Variants in GRID2 observed in about 807,000 individuals in gnomAD.
The protein encoded by GRID2 is glutamate receptor ionotropic, delta-2.
A neutral mutation model predicts 114.8 loss-of-function variants in GRID2; 33 were observed. That is an observed-to-expected ratio of 0.29 (90% confidence interval 0.22 to 0.38). GRID2 has a LOEUF of 0.38. Among genes scored for constraint, GRID2 ranks in the 10% least tolerant of loss-of-function variants. The pLI, the probability that GRID2 is intolerant of heterozygous loss-of-function variation, is 1.00. For synonymous variants in GRID2, 505 were observed against 449.9 expected, an observed-to-expected ratio of 1.12 and a Z score of -1.55; for missense variants, 1,184 against 1,257.7, an observed-to-expected ratio of 0.94 and a Z score of 0.89.
At chr4:92,581,439 C>T (rs35598517) in intron 1 of GRID2, among the ~76,000 whole-genome samples, 40,558 of 151,826 alleles carry the variant, frequency 0.27, 5,582 homozygotes, top group Middle Eastern at 0.36. Flanking sequence ...CCTTTTCTCC[C>T]ACATACTTCT....
At chr4:92,715,846 T>A (rs188712036) in intron 2 of GRID2, among the ~76,000 whole-genome samples, 2 of 152,290 alleles carry the variant, frequency 1.3e-5, no homozygotes, top group African/African-American at 4.8e-5. Flanking sequence ...TCAGATAGCC[T>A]ACTAAAATAT....
intron 1 of GRID2, among the ~76,000 whole-genome samples, chr4:92,399,877 G>A (rs972615218): frequency 4.6e-5 from 7 of 151,994 alleles, no homozygotes; most frequent in South Asian, 2.1e-4. Flanking sequence ...GTTACTTTAC[G>A]TATTGCATGT....
intron 1 of GRID2, among the ~76,000 whole-genome samples, chr4:92,307,907 TTGAG>T (rs755893281): frequency 6.6e-5 from 10 of 152,200 alleles, no homozygotes; most frequent in Non-Finnish European, 1.3e-4. Context: ...TATGCATTGA[TTGAG>T]TAATTTCATC....
intron 14 of GRID2, among the ~76,000 whole-genome samples, chr4:93,704,340 G>T (rs532575439): frequency 2.4e-4 from 36 of 152,162 alleles, no homozygotes; most frequent in East Asian, 1.2e-3. Flanking sequence ...TTTTGATGGG[G>T]TTGTTTGTTT....
chr4:93,271,658 G>A (rs374718143), intron 8 of GRID2, among the ~76,000 whole-genome samples: 2 of 152,078 alleles, frequency 1.3e-5, no homozygotes, highest in Non-Finnish European at 2.9e-5. Flanking sequence ...TCACTCTATT[G>A]CTTAAAAATA....
intron 4 of GRID2, among the ~76,000 whole-genome samples, chr4:93,153,271 A>G (rs1258589009): frequency 6.6e-6 from 1 of 152,106 alleles, no homozygotes; most frequent in Non-Finnish European, 1.5e-5. Flanking sequence ...AACTATCTTC[A>G]GAAATACTTC....
intron 9 of GRID2, among the ~76,000 whole-genome samples, chr4:93,410,620 G>T (rs565594277): frequency 1.3e-5 from 2 of 152,276 alleles, no homozygotes; most frequent in East Asian, 3.9e-4. Context: ...TTTCACTCTT[G>T]TTGCCCCAAC....
At chr4:92,899,417 TC>T (rs1225116366) in intron 2 of GRID2, among the ~76,000 whole-genome samples, 18 of 152,274 alleles carry the variant, frequency 1.2e-4, no homozygotes, top group African/African-American at 3.6e-4. Context: ...GCATCCTAAG[TC>T]ATTTTCACAA....
At chr4:92,664,543 TTA>T (rs1326133043) in intron 2 of GRID2, among the ~76,000 whole-genome samples, 1 of 151,170 alleles carries the variant, frequency 6.6e-6, no homozygotes, top group African/African-American at 2.4e-5. Flanking sequence ...ATCATGTTCT[TTA>T]TATGTCTGTT....
At chr4:92,640,356 T>C (rs1328569523) in intron 2 of GRID2, among the ~76,000 whole-genome samples, 1 of 151,896 alleles carries the variant, frequency 6.6e-6, no homozygotes, top group Non-Finnish European at 1.5e-5. Flanking sequence ...AGATTATTTT[T>C]GATTGAATCA....
intron 10 of GRID2, among the ~76,000 whole-genome samples, chr4:93,442,475 C>T (rs985571269): frequency 6.6e-6 from 1 of 151,936 alleles, no homozygotes; most frequent in African/African-American, 2.4e-5. Context: ...GTAACTTTTT[C>T]CCCCACTTAG....
At position 93,317,097 on chromosome 4, in the gene GRID2, A is replaced by G. The variant is rs557748699; in HGVS notation, c.1246-78510A>G. 2.0e-4 allele frequency among the ~76,000 whole-genome samples: 31 copies of G among 152,144 alleles called. No homozygotes were observed. In the East Asian group the frequency reaches 6.0e-3, roughly 29 times the overall value. Reference sequence around the variant, plus strand: ...CTAATTTTTGATGTAATATTTTTTAATTACCGAATGTGGGCTTTTTATATC... The same window carrying G: ...CTAATTTTTGATGTAATATTTTTTAGTTACCGAATGTGGGCTTTTTATATC... On this transcript the variant is annotated intron_variant, in intron 8 of 15. Transcript: ENST00000282020.
At chr4:93,400,643 G>A (rs968423737) in intron 9 of GRID2, among the ~76,000 whole-genome samples, 20 of 152,128 alleles carry the variant, frequency 1.3e-4, no homozygotes, top group Admixed American at 2.6e-4. Context: ...AAAGAAAGGC[G>A]TGCGAAGCTA....
At chr4:92,713,482 T>TAC (rs1357075640) in intron 2 of GRID2, among the ~76,000 whole-genome samples, 1 of 81,504 alleles carries the variant, frequency 1.2e-5, no homozygotes, top group Non-Finnish European at 2.5e-5. Flanking sequence ...TATACATATA[T>TAC]ATATATATAT....
intron 2 of GRID2, among the ~76,000 whole-genome samples, chr4:92,987,616 A>G (rs1429698024): frequency 6.6e-6 from 1 of 152,106 alleles, no homozygotes; most frequent in Non-Finnish European, 1.5e-5. Context: ...AAAATAAGAA[A>G]TAAATAAATG....
intron 1 of GRID2, among the ~76,000 whole-genome samples, chr4:92,310,625 T>C (rs550806923): frequency 6.6e-6 from 1 of 152,144 alleles, no homozygotes; most frequent in South Asian, 2.1e-4. Flanking sequence ...TATTCTGGAT[T>C]AGAATTTAGA....
At chr4:93,763,863 C>A (rs1578761990) in intron 14 of GRID2, among the ~76,000 whole-genome samples, 1 of 152,202 alleles carries the variant, frequency 6.6e-6, no homozygotes, top group African/African-American at 2.4e-5. Flanking sequence ...TGTCATTTTT[C>A]TTAGGTAACC....
At chr4:93,648,784 C>T (rs370662570) in intron 14 of GRID2, among the ~76,000 whole-genome samples, 1 of 152,172 alleles carries the variant, frequency 6.6e-6, no homozygotes, top group Admixed American at 6.5e-5. Context: ...AATACATGGT[C>T]TTTGACTTCT....
intron 8 of GRID2, chr4:93,259,073 A>G (rs906106359): frequency 1.6e-5 from 5 of 316,230 alleles, no homozygotes; most frequent in Non-Finnish European, 3.2e-5. Context: ...TGCTTTGCCT[A>G]TTTTTCCCTT....
Sources: allele counts gnomAD v4.1 joint callset (sites outside exome capture counted in the v4.1 genomes callset), GRCh38; gene constraint gnomAD v4.1.1; transcripts MANE v1.5; gene names NCBI Gene and HGNC (gene_info 2026-07-23, HGNC 2026-07-21).